ADAMTS2: variants seen among roughly 807,000 people sequenced by gnomAD.
ADAMTS2 encodes A disintegrin and metalloproteinase with thrombospondin motifs 2.
ADAMTS2 carries 50 observed loss-of-function variants against 123.0 expected under a neutral mutation model. The observed-to-expected ratio is 0.41, with a 90% CI of 0.32 to 0.51. ADAMTS2 has a LOEUF of 0.51. Among genes scored for constraint, ADAMTS2 ranks in the 20% least tolerant of loss-of-function variants. The pLI is 0.35. For synonymous variants in ADAMTS2, 678 were observed against 695.4 expected (o/e 0.98, Z 0.39); for missense variants, 1,494 against 1,705.2 (o/e 0.88, Z 2.18).
At chr5:179,266,265 T>G (rs1289681118) in intron 3 of ADAMTS2, among the ~76,000 whole-genome samples, 1 of 152,178 alleles carries the variant, frequency 6.6e-6, no homozygotes, top group South Asian at 2.1e-4. Flanking sequence ...TCGTGAGCAT[T>G]ACCTTATATG....
intron 2 of ADAMTS2, among the ~76,000 whole-genome samples, chr5:179,335,004 T>C (rs931388668): frequency 6.6e-5 from 10 of 152,240 alleles, no homozygotes; most frequent in African/African-American, 2.4e-4. Context: ...AATTAGTTTC[T>C]AAGTTTAATT....
At chr5:179,137,722 A>AGGGGC in intron 12 of ADAMTS2, 47 bp downstream of exon 12, 1 of 1,512,562 alleles carries the variant, frequency 6.6e-7, no homozygotes, top group Non-Finnish European at 8.9e-7. Context: ...TGCCCACCCT[A>AGGGGC]GGGCCTGCCT....
At chr5:179,123,049 C>T (rs770492877) in intron 19 of ADAMTS2, among the ~76,000 whole-genome samples, 6 of 152,240 alleles carry the variant, frequency 3.9e-5, no homozygotes, top group Non-Finnish European at 5.9e-5. Flanking sequence ...CTGCTGGACT[C>T]TCAGTGACAG....
chr5:179,278,188 C>CT lies in ADAMTS2; in HGVS notation c.535-5125_535-5124insA, dbSNP rs1402986716. ...GACCCCCCCGAGACCAAAGGCTGAC[C>CT]CCCCCAAGACCATCAGCTGACGTCC... On this transcript the variant is annotated intron_variant, in intron 2 of 21. Transcript: ENST00000251582. 6.5e-5 allele frequency among the ~76,000 whole-genome samples: 9 copies of CT among 139,514 alleles called. No homozygotes were observed. The East Asian group carries it at 2.0e-3, about 31-fold the overall frequency. The allele number at this position is 139,514 out of a possible 152,430, so 91.5% of individuals were successfully genotyped here. A position where few individuals can be genotyped will look rare whatever the true frequency, so the allele number is the denominator to read the frequency against.
At chr5:179,194,812 A>G (rs1423363544) in intron 4 of ADAMTS2, among the ~76,000 whole-genome samples, 1 of 152,028 alleles carries the variant, frequency 6.6e-6, no homozygotes, top group African/African-American at 2.4e-5. Flanking sequence ...AAACCAGCAA[A>G]TGTGAGTTCC....
chr5:179,321,186 C>T (rs1040414567), intron 2 of ADAMTS2, among the ~76,000 whole-genome samples: 22 of 152,180 alleles, frequency 1.4e-4, no homozygotes, highest in Non-Finnish European at 2.9e-5. Context: ...CCCGGATCCT[C>T]ATCCTCGGTC....
rs1766178060 is a variant in ADAMTS2, at chr5:179,260,149, C to T, written c.688+12762G>A. ...CCCATGGGCCCATGGGACCAGTAGC[C>T]ACCCACAGCTGCCAACCTGAGTCTG... is the stretch of plus-strand genomic sequence containing the variant. On this transcript the variant is annotated intron_variant, in intron 3 of 21. Coordinates refer to ENST00000251582, the MANE Select transcript of ADAMTS2 (RefSeq NM_014244.5). The surrounding 1 kb of genome is among the most constrained non-coding windows in gnomAD (Gnocchi z 4.2). Among the ~76,000 whole-genome samples, 1 of 152,128 alleles carries T rather than the reference C, an allele frequency of 6.6e-6. No homozygotes were observed. The highest frequency in any genetic ancestry group is 2.4e-5 in the African/African-American group (1 of 41,430).
intron 10 of ADAMTS2, among the ~76,000 whole-genome samples, chr5:179,150,129 C>CTCCTGCTCCTGG (rs3839275): frequency 2.0e-5 from 3 of 149,272 alleles, no homozygotes; most frequent in East Asian, 3.9e-4. Flanking sequence ...CCAGCTCCTG[C>CTCCTGCTCCTGG]TCCTGCTCCT....
chr5:179,221,886 C>T (rs971151963), intron 3 of ADAMTS2, among the ~76,000 whole-genome samples: 2 of 152,188 alleles, frequency 1.3e-5, no homozygotes, highest in African/African-American at 4.8e-5. Flanking sequence ...TCCAGCCCCC[C>T]ATGGGGCTGA....
chr5:179,188,965 C>G lies in ADAMTS2; in HGVS notation c.892-7810G>C, dbSNP rs570700642. On this transcript the variant is annotated intron_variant, in intron 4 of 21. Transcript: ENST00000251582. This position sits in a 1 kb window ranked among gnomAD's most constrained non-coding sequence, Gnocchi z 5.1. The stretch of plus-strand genomic sequence containing the variant: ...CGACGGCAAGAGGCTGCCCCTCCCC[C>G]TCTCCTGAATTTGGGGGGTTAGCAG... Among the ~76,000 whole-genome samples the G allele has an allele frequency of 6.6e-6, 1 of 152,146 alleles. No homozygotes were observed. Among genetic ancestry groups the G allele is most frequent in the African/African-American group, 2.4e-5 (1 of 41,440 alleles).
chr5:179,207,439 T>C, intron 4 of ADAMTS2, 74 bp downstream of exon 4: 1 of 1,510,706 alleles, frequency 6.6e-7, no homozygotes, highest in Non-Finnish European at 9.1e-7. Flanking sequence ...CTGGCCCAGC[T>C]GGGCCTCTCT....
chr5:179,137,601 C>T (rs997648625), intron 12 of ADAMTS2, among the ~76,000 whole-genome samples, 168 bp downstream of exon 12: 2 of 152,226 alleles, frequency 1.3e-5, no homozygotes, highest in African/African-American at 4.8e-5. Flanking sequence ...ACTTTAATGC[C>T]CCACCCAGGA....
At chr5:179,213,162 C>T (rs79854841) in intron 3 of ADAMTS2, among the ~76,000 whole-genome samples, 3,385 of 152,226 alleles carry the variant, frequency 0.022, 107 homozygotes, top group African/African-American at 0.073. Flanking sequence ...ACTGCTGTCC[C>T]CTCTCCATGG....
Position 179,230,894 on chromosome 5 carries a change from G to C in ADAMTS2, c.689-23179C>G, listed in dbSNP as rs544990832. Among the ~76,000 whole-genome samples the C allele has an allele frequency of 7.2e-5, 11 of 152,032 alleles. No individual in the cohort carries two copies. In the East Asian group the frequency reaches 2.1e-3, roughly 30 times the overall value. Reference sequence around the variant, plus strand: ...GGCATGGTGGTGGGCGCCTGTAATTGCAGCTACTCAGGAGGCTGAGGCAGG... The same window carrying C: ...GGCATGGTGGTGGGCGCCTGTAATTCCAGCTACTCAGGAGGCTGAGGCAGG... On this transcript the variant is annotated intron_variant, in intron 3 of 21. Coordinates refer to ENST00000251582, the MANE Select transcript of ADAMTS2 (RefSeq NM_014244.5).
At chr5:179,176,477 T>G (rs908177947) in intron 5 of ADAMTS2, among the ~76,000 whole-genome samples, 1 of 152,140 alleles carries the variant, frequency 6.6e-6, no homozygotes, top group Non-Finnish European at 1.5e-5. Context: ...GCTTCCCTCC[T>G]GTGCTCCCCA....
intron 2 of ADAMTS2, among the ~76,000 whole-genome samples, chr5:179,325,159 G>C (rs150448887): frequency 6.6e-6 from 1 of 152,264 alleles, no homozygotes; most frequent in Non-Finnish European, 1.5e-5. Context: ...TGATCTTTCG[G>C]AGCTCCTGTC....
chr5:179,298,448 A>G (rs1334114195), intron 2 of ADAMTS2, among the ~76,000 whole-genome samples: 1 of 152,176 alleles, frequency 6.6e-6, no homozygotes, highest in African/African-American at 2.4e-5. Context: ...CCCAGCTATG[A>G]GCGAGGAAGC....
Position 179,154,157 on chromosome 5 carries a change from C to T in ADAMTS2, c.1274G>A (p.Cys425Tyr). 6.4e-7 allele frequency: 1 copy of T among 1,572,958 alleles called. No individual in the cohort carries two copies. The change falls in exon 8 of 22, where the codon TGT becomes TAT. Residue 425 changes from cysteine to tyrosine, a missense_variant. Physicochemically the swap from Cys to Tyr is radical, Grantham distance 194. This residue lies in a region of ADAMTS2 where 953 missense variants were observed against 1,124.7 expected (regional missense o/e 0.85). Coordinates refer to ENST00000251582, the MANE Select transcript of ADAMTS2 (RefSeq NM_014244.5). ...GMEHDGQGNR[C>Y]GDEVRLGSIM... The stretch of plus-strand genomic sequence containing the variant: ...GCTGCCCAGCCGCACCTCGTCGCCA[C>T]AGCGGTTGCCCTGCCCGTCGTGCTC...
At position 179,142,341 on chromosome 5, in the gene ADAMTS2, G is replaced by A. The variant is rs1003376887; in HGVS notation, c.1630-2306C>T. 3.9e-5 allele frequency among the ~76,000 whole-genome samples: 6 copies of A among 152,288 alleles called. 1 individual carries two copies. In the East Asian group the frequency reaches 1.2e-3, roughly 29 times the overall value. ...AAGTGTTTCGGATTTCAGATTTTCAGATTAAGGATGCTCAACCTGTAGAAG... is the reference window on the plus strand; with the variant it reads ...AAGTGTTTCGGATTTCAGATTTTCAAATTAAGGATGCTCAACCTGTAGAAG... On this transcript the variant is annotated intron_variant, in intron 10 of 21. Coordinates refer to ENST00000251582, the MANE Select transcript of ADAMTS2 (RefSeq NM_014244.5).
Sources: gnomAD v4.1 joint callset for allele counts (sites outside exome capture counted in the v4.1 genomes callset) on GRCh38, gnomAD v4.1.1 for gene constraint, gnomAD v4.1.1 regional missense constraint, Gnocchi (gnomAD v3.1) non-coding constraint, MANE v1.5 for transcripts, NCBI Gene and HGNC (gene_info 2026-07-23, HGNC 2026-07-21) for gene names.